Variants in UTRN observed in about 807,000 individuals in gnomAD.
UTRN encodes the protein utrophin, also known as dystrophin-related protein 1.
UTRN carries 283 observed loss-of-function variants against 463.9 expected under a neutral mutation model. The observed-to-expected ratio is 0.61, with a 90% confidence interval of 0.55 to 0.67. The LOEUF (loss-of-function observed/expected upper bound fraction) is 0.67. Ranked by LOEUF, UTRN falls within the 30% of genes least tolerant of loss-of-function variation. The probability of loss-of-function intolerance (pLI) is 0.00; values close to 1 mark genes in which losing one functional copy is unlikely to be tolerated. For missense variants in UTRN, 3,922 were observed against 4,084.3 expected (o/e 0.96, Z 1.08); for synonymous variants, 1,442 against 1,431.5 (o/e 1.01, Z -0.17).
chr6:144,395,126 T>C (rs1279584715), intron 2 of UTRN, among the ~76,000 whole-genome samples: 2 of 152,188 alleles, frequency 1.3e-5, no homozygotes, highest in South Asian at 2.1e-4. Flanking sequence ...AGAAATTTTC[T>C]TTCATAAGTT....
At position 144,853,032 on chromosome 6, in the gene UTRN, C is replaced by T. The variant is rs1782568242; in HGVS notation, c.*2035C>T. On this transcript the variant is annotated 3_prime_UTR_variant, in exon 75 of 75. Coordinates refer to ENST00000367545, the MANE Select transcript of UTRN (RefSeq NM_007124.3). Reference sequence around the variant, plus strand: ...ATCCTGAATAAAAGTAATTTTAACACAAGATGACTTTGATATTCTTCAGCT... The same window carrying T: ...ATCCTGAATAAAAGTAATTTTAACATAAGATGACTTTGATATTCTTCAGCT... 6.6e-6 allele frequency: 1 copy of T among 152,226 alleles called. No homozygotes were observed. The highest frequency in any genetic ancestry group is 1.5e-5 in the Non-Finnish European group (1 of 67,994). The allele number at this position is 152,226 out of a possible 1,614,324, so 9.4% of individuals were successfully genotyped here. A position where few individuals can be genotyped will look rare whatever the true frequency, so the allele number is the denominator to read the frequency against.
intron 51 of UTRN, among the ~76,000 whole-genome samples, chr6:144,617,102 T>C (rs1806203969): frequency 1.3e-5 from 2 of 152,170 alleles, no homozygotes; most frequent in Non-Finnish European, 2.9e-5. Flanking sequence ...AGAAATGATT[T>C]CTTGAGATAT....
At chr6:144,658,224 C>T (rs1779521459) in intron 51 of UTRN, among the ~76,000 whole-genome samples, 1 of 152,078 alleles carries the variant, frequency 6.6e-6, no homozygotes, top group Non-Finnish European at 1.5e-5. Context: ...CCATTTTGCC[C>T]CTGGGGACAT....
At chr6:144,722,360 C>G (rs756944203) in intron 53 of UTRN, among the ~76,000 whole-genome samples, 1 of 151,820 alleles carries the variant, frequency 6.6e-6, no homozygotes, top group African/African-American at 2.4e-5. Context: ...GATGCCTTCC[C>G]TGACCACTTA....
At chr6:144,663,301 C>G (rs1282297072) in intron 51 of UTRN, among the ~76,000 whole-genome samples, 1 of 152,092 alleles carries the variant, frequency 6.6e-6, no homozygotes, top group Non-Finnish European at 1.5e-5. Context: ...TGGCCATGGG[C>G]TCAAGGGTGA....
At chr6:144,678,062 G>A (rs1024121501) in intron 51 of UTRN, among the ~76,000 whole-genome samples, 5 of 152,104 alleles carry the variant, frequency 3.3e-5, no homozygotes, top group Non-Finnish European at 7.4e-5. Flanking sequence ...TGTTCACTCT[G>A]ATGGTAGTTT....
At chr6:144,634,450 C>A (rs1194470302) in intron 51 of UTRN, among the ~76,000 whole-genome samples, 1 of 152,164 alleles carries the variant, frequency 6.6e-6, no homozygotes, top group Non-Finnish European at 1.5e-5. Context: ...GGCGTAAGTT[C>A]TTTTCTGTTT....
chr6:144,592,516 G>A (rs759644718), intron 51 of UTRN, among the ~76,000 whole-genome samples: 13 of 152,026 alleles, frequency 8.6e-5, no homozygotes, highest in Non-Finnish European at 1.2e-4. Flanking sequence ...GACTACAGGC[G>A]TGCACCACCA....
chr6:144,740,744 G>A (rs1238361602), intron 54 of UTRN, among the ~76,000 whole-genome samples: 1 of 151,954 alleles, frequency 6.6e-6, no homozygotes, highest in Non-Finnish European at 1.5e-5. Context: ...GTAAAAATTT[G>A]GAAAATGTTT....
chr6:144,557,143 C>A lies in UTRN; in HGVS notation c.7135-14C>A. The A allele has an allele frequency of 1.2e-6, 2 of 1,611,872 alleles. No homozygotes were observed. Among genetic ancestry groups the A allele is most frequent in the Non-Finnish European group, 8.5e-7 (1 of 1,178,868 alleles). Reference sequence around the variant, plus strand: ...TGACCAAGTCTAACAAACAGACCTGCACTTGCACCTCAGATACTGCTTCAA... The same window carrying A: ...TGACCAAGTCTAACAAACAGACCTGAACTTGCACCTCAGATACTGCTTCAA... On this transcript the variant is annotated splice_polypyrimidine_tract_variant and intron_variant, in intron 49 of 74. Transcript: ENST00000367545.
chr6:144,526,761 T>C (rs1043640307), intron 41 of UTRN, among the ~76,000 whole-genome samples: 4 of 149,080 alleles, frequency 2.7e-5, no homozygotes, highest in Non-Finnish European at 5.9e-5. Flanking sequence ...TTTTTTTTTT[T>C]CATTTTGTTA....
chr6:144,614,454 T>G (rs1805859210), intron 51 of UTRN, among the ~76,000 whole-genome samples: 2 of 152,130 alleles, frequency 1.3e-5, no homozygotes, highest in Non-Finnish European at 2.9e-5. Context: ...CTAGGTTAAA[T>G]ACATCCCTTT....
At chr6:144,445,047 G>T (rs545531489) in intron 14 of UTRN, among the ~76,000 whole-genome samples, 1 of 152,088 alleles carries the variant, frequency 6.6e-6, no homozygotes, top group East Asian at 1.9e-4. Context: ...AACAGTTGTG[G>T]TTTAAAAAAT....
At chr6:144,626,629 T>C (rs939502667) in intron 51 of UTRN, among the ~76,000 whole-genome samples, 1 of 152,192 alleles carries the variant, frequency 6.6e-6, no homozygotes, top group African/African-American at 2.4e-5. Flanking sequence ...TGTAGCAAGT[T>C]TGTGTTGTGG....
intron 2 of UTRN, among the ~76,000 whole-genome samples, chr6:144,301,663 T>C (rs1278896992): frequency 6.6e-6 from 1 of 151,260 alleles, no homozygotes; most frequent in Non-Finnish European, 1.5e-5. Flanking sequence ...GCCTCCCAAG[T>C]AGCTGGGATT....
At position 144,527,394 on chromosome 6, in the gene UTRN, G is replaced by A. The variant is rs138517674; in HGVS notation, c.5907-3658G>A. On this transcript the variant is annotated intron_variant, in intron 41 of 74. Coordinates refer to ENST00000367545, the MANE Select transcript of UTRN (RefSeq NM_007124.3). Reference sequence around the variant, plus strand: ...TAATGTGATAGATTCTTCTTTATAGGTTACCTGATGCTTTTGCCTCACAAC... The same window carrying A: ...TAATGTGATAGATTCTTCTTTATAGATTACCTGATGCTTTTGCCTCACAAC... Among the ~76,000 whole-genome samples the A allele has an allele frequency of 4.2e-3, 641 of 152,194 alleles. 6 individuals carry two copies. The highest frequency in any genetic ancestry group is 0.024 in the Middle Eastern group (7 of 294).
At chr6:144,473,628 A>G in intron 23 of UTRN, 92 bp from the exon 24 acceptor site, 2 of 876,692 alleles carry the variant, frequency 2.3e-6, no homozygotes, top group South Asian at 4.0e-5. Context: ...GGAGCTTTAA[A>G]AAGTTCCTTT....
intron 36 of UTRN, among the ~76,000 whole-genome samples, 182 bp downstream of exon 36, chr6:144,514,219 GA>G: frequency 6.6e-6 from 1 of 152,270 alleles, no homozygotes; most frequent in East Asian, 1.9e-4. Flanking sequence ...ACTTGAAATT[GA>G]AAGACTTGTA....
Position 144,533,105 on chromosome 6 carries a change from C to T in UTRN, c.6078C>T (p.Ser2026=), listed in dbSNP as rs902101375. ...IHQQELEVGI[S]SHQPSFAALN... Reference sequence around the variant, plus strand: ...TACAGGAACTTGAGGTGGGCATCAGCAGCCACCAGCCCAGTTTTGCAGCAC... The same window carrying T: ...TACAGGAACTTGAGGTGGGCATCAGTAGCCACCAGCCCAGTTTTGCAGCAC... Residue 2026 remains serine (S), a synonymous_variant, in exon 43 of 75, where the codon AGC becomes AGT. Coordinates refer to ENST00000367545, the MANE Select transcript of UTRN (RefSeq NM_007124.3). The T allele has an allele frequency of 1.2e-6, 2 of 1,607,558 alleles. No homozygotes were observed. The highest frequency in any genetic ancestry group is 3.3e-4 in the Middle Eastern group (2 of 6,046).
Sources: allele counts gnomAD v4.1 joint callset (sites outside exome capture counted in the v4.1 genomes callset), GRCh38; gene constraint gnomAD v4.1.1; transcripts MANE v1.5; gene names NCBI Gene and HGNC (gene_info 2026-07-23, HGNC 2026-07-21).